Variants in ROBO2 observed in about 807,000 individuals in gnomAD.
The protein encoded by ROBO2 is roundabout guidance receptor 2.
ROBO2 carries 53 observed loss-of-function variants against 160.8 expected under a neutral mutation model. The ratio of observed to expected loss-of-function variants is 0.33; its 90% CI spans 0.26 to 0.41. The LOEUF (loss-of-function observed/expected upper bound fraction) is 0.41. Ranked by LOEUF, ROBO2 falls within the 10% of genes least tolerant of loss-of-function variation. The pLI is 1.00. For missense variants in ROBO2, 1,577 were observed against 1,722.4 expected, an observed-to-expected ratio of 0.92 and a Z score of 1.49; for synonymous variants, 664 against 611.7, an observed-to-expected ratio of 1.09 and a Z score of -1.26.
intron 2 of ROBO2, among the ~76,000 whole-genome samples, chr3:77,192,616 AAAATCTTTTCCATTTTATGAAC>A (rs1370709567): frequency 1.3e-5 from 2 of 151,186 alleles, no homozygotes; most frequent in East Asian, 3.9e-4. Flanking sequence ...TTAAATTTGG[AAAATCTTTTCCATTTTATGAAC>A]AAACACAATT....
intron 2 of ROBO2, among the ~76,000 whole-genome samples, chr3:76,168,705 G>T (rs1033331161): frequency 1.3e-5 from 2 of 151,946 alleles, no homozygotes; most frequent in Non-Finnish European, 2.9e-5. Flanking sequence ...AACTAAAAAC[G>T]TAGTAGTATT....
rs538571635 is a variant in ROBO2, at chr3:76,903,359, C to T, written c.110-194655C>T. 8.5e-5 allele frequency among the ~76,000 whole-genome samples: 13 copies of T among 152,180 alleles called. No homozygotes were observed. The South Asian group carries it at 2.7e-3, about 32-fold the overall frequency. On this transcript the variant is annotated intron_variant, in intron 2 of 26. Transcript: ENST00000487694. ...ATCCTTAAATGCTCCAACTTTACCC[C>T]TCAATTATACAGTTTTCCACTCTCT... is the stretch of plus-strand genomic sequence containing the variant.
intron 2 of ROBO2, among the ~76,000 whole-genome samples, chr3:77,390,996 A>G (rs766639433): frequency 6.6e-6 from 1 of 151,948 alleles, no homozygotes; most frequent in Non-Finnish European, 1.5e-5. Context: ...ACCTGCCTTC[A>G]TTTTAGACAC....
At chr3:76,914,232 A>T (rs2076174293) in intron 2 of ROBO2, among the ~76,000 whole-genome samples, 1 of 152,182 alleles carries the variant, frequency 6.6e-6, no homozygotes, top group African/African-American at 2.4e-5. Context: ...TTCCTCTCAG[A>T]TTAAATAGAT....
chr3:76,836,891 G>A (rs771477407), intron 2 of ROBO2, among the ~76,000 whole-genome samples: 1 of 151,680 alleles, frequency 6.6e-6, no homozygotes, highest in Non-Finnish European at 1.5e-5. Context: ...ATATCAATTA[G>A]GTCGATTTGG....
intron 2 of ROBO2, among the ~76,000 whole-genome samples, chr3:76,572,192 T>C (rs1326664932): frequency 4.6e-5 from 7 of 152,090 alleles, no homozygotes; most frequent in Non-Finnish European, 8.8e-5. Flanking sequence ...AACCCCATTT[T>C]AGAGAGAACA....
intron 2 of ROBO2, among the ~76,000 whole-genome samples, chr3:77,256,794 C>A (rs2058446830): frequency 6.6e-6 from 1 of 152,146 alleles, no homozygotes; most frequent in Non-Finnish European, 1.5e-5. Flanking sequence ...AGTAAGCCAG[C>A]CGTCTTTCTC....
exon 25 of ROBO2, chr3:77,644,856 A>G (rs2095395976): frequency 2.5e-6 from 4 of 1,614,140 alleles, no homozygotes; most frequent in African/African-American, 1.3e-5. Context: ...CCTTCTTGAC[A>G]TAGGATATAT....
intron 2 of ROBO2, among the ~76,000 whole-genome samples, chr3:77,329,391 A>G (rs976940021): frequency 6.6e-6 from 1 of 152,202 alleles, no homozygotes; most frequent in African/African-American, 2.4e-5. Context: ...CCTTGTCTCC[A>G]TGACAAAACA....
intron 2 of ROBO2, among the ~76,000 whole-genome samples, chr3:76,629,088 A>G (rs530257445): frequency 6.6e-6 from 1 of 152,144 alleles, no homozygotes; most frequent in African/African-American, 2.4e-5. Context: ...AACATCACAC[A>G]TTTGGAAAAG....
At chr3:75,924,404 G>T (rs1240770327) in intron 1 of ROBO2, among the ~76,000 whole-genome samples, 1 of 151,922 alleles carries the variant, frequency 6.6e-6, no homozygotes, top group Non-Finnish European at 1.5e-5. Flanking sequence ...AAGAGCTCAG[G>T]GGTACATGTG....
At chr3:77,113,670 A>G (rs1342710514) in intron 2 of ROBO2, among the ~76,000 whole-genome samples, 1 of 152,184 alleles carries the variant, frequency 6.6e-6, no homozygotes, top group East Asian at 1.9e-4. Context: ...AGTTAATCAT[A>G]CTTGAGGACT....
intron 1 of ROBO2, among the ~76,000 whole-genome samples, chr3:77,086,339 G>A (rs564939640): frequency 1.3e-5 from 2 of 152,154 alleles, no homozygotes; most frequent in South Asian, 2.1e-4. Context: ...AATGTTATTC[G>A]ACTGATACTG....
At chr3:76,290,571 G>A (rs1011963671) in intron 2 of ROBO2, among the ~76,000 whole-genome samples, 1 of 152,076 alleles carries the variant, frequency 6.6e-6, no homozygotes, top group Admixed American at 6.6e-5. Context: ...AATAGGAGTG[G>A]GAAGAATGGA....
chr3:76,115,333 G>A (rs939579748), intron 2 of ROBO2, among the ~76,000 whole-genome samples: 22 of 152,188 alleles, frequency 1.4e-4, no homozygotes, highest in Admixed American at 7.2e-4. Context: ...TCCACTTTGC[G>A]TAATACAATG....
rs550377241 is a variant in ROBO2, at chr3:76,063,423, G to C, written c.109+125821G>C. On this transcript the variant is annotated intron_variant, in intron 2 of 26. Coordinates refer to the ROBO2 transcript ENST00000487694. ...AGTGGTGCAATGAGGGCTCATTGCA[G>C]CCTTGATTCCCTTTGGGCTCAAGCA... Among the ~76,000 whole-genome samples the C allele has an allele frequency of 7.4e-5, 11 of 149,160 alleles. 1 individual carries two copies. Among genetic ancestry groups the C allele is most frequent in the African/African-American group, 2.7e-4 (11 of 40,172 alleles).
intron 2 of ROBO2, among the ~76,000 whole-genome samples, chr3:76,100,318 T>G (rs1343518253): frequency 6.6e-6 from 1 of 152,328 alleles, no homozygotes; most frequent in Non-Finnish European, 1.5e-5. Flanking sequence ...TTATAAATAA[T>G]ACACACATTC....
Position 75,931,612 on chromosome 3 carries a change from A to G in ROBO2, c.-13-5869A>G, listed in dbSNP as rs189812606. Among the ~76,000 whole-genome samples the G allele has an allele frequency of 2.6e-5, 4 of 152,274 alleles. No individual in the cohort carries two copies. The East Asian group carries it at 7.8e-4, about 30-fold the overall frequency. On this transcript the variant is annotated intron_variant, in intron 1 of 26. Coordinates refer to the ROBO2 transcript ENST00000487694. ...AGTGATTCATCCGCCTTGGCCTCCC[A>G]AAATGCTGGGATTACAGGCATAAGC...
At chr3:76,210,769 A>G (rs955802810) in intron 2 of ROBO2, among the ~76,000 whole-genome samples, 4 of 152,148 alleles carry the variant, frequency 2.6e-5, no homozygotes, top group African/African-American at 9.6e-5. Flanking sequence ...AAGTTGCACA[A>G]AGAACTTTGT....
Sources: allele counts gnomAD v4.1 joint callset (sites outside exome capture counted in the v4.1 genomes callset), GRCh38; gene constraint gnomAD v4.1.1; transcripts MANE v1.5; gene names NCBI Gene and HGNC (gene_info 2026-07-23, HGNC 2026-07-21).